CSTPP1: variants seen among roughly 807,000 people sequenced by gnomAD.
CSTPP1 encodes the protein centriolar satellite-associated tubulin polyglutamylase complex regulator 1, also known as UPF0705 protein C11orf49.
At chr11:47,083,606 A>G in the CSTPP1 span, among the ~76,000 whole-genome samples, 1 of 151,862 alleles carries the variant, frequency 6.6e-6, no homozygotes, top group African/African-American at 2.4e-5. Flanking sequence ...CCAGCATTTG[A>G]TGTTACGTGT....
chr11:46,950,565 T>C, the CSTPP1 span, among the ~76,000 whole-genome samples: 4 of 152,122 alleles, frequency 2.6e-5, no homozygotes, highest in Admixed American at 1.3e-4. Context: ...AACTTTTAAG[T>C]AGTACAGCTG....
chr11:47,035,184 T>C, the CSTPP1 span, among the ~76,000 whole-genome samples: 1 of 152,246 alleles, frequency 6.6e-6, no homozygotes, highest in Non-Finnish European at 1.5e-5. Context: ...TTACCTTAGA[T>C]TCATTTATCT....
At chr11:46,974,892 ACACACACACAC>A in the CSTPP1 span, among the ~76,000 whole-genome samples, 3 of 107,942 alleles carry the variant, frequency 2.8e-5, no homozygotes, top group African/African-American at 8.7e-5. Flanking sequence ...ACACACACAC[ACACACACACAC>A]AATACTCCAA....
At chr11:46,948,350 G>A in the CSTPP1 span, among the ~76,000 whole-genome samples, 1 of 152,220 alleles carries the variant, frequency 6.6e-6, no homozygotes, top group South Asian at 2.1e-4. Flanking sequence ...GGCAACATGA[G>A]GCTAGCACTC....
the CSTPP1 span, chr11:47,041,496 G>A: frequency 5.2e-5 from 18 of 349,080 alleles, 2 homozygotes; most frequent in African/African-American, 2.2e-4. Flanking sequence ...TTCTTGATCT[G>A]CTGAGTGTCA....
chr11:47,112,033 T>G, the CSTPP1 span, among the ~76,000 whole-genome samples: 1 of 152,156 alleles, frequency 6.6e-6, no homozygotes, highest in African/African-American at 2.4e-5. Context: ...ATGCTGTTCC[T>G]CTTACCCAAT....
chr11:47,083,683 C>T, the CSTPP1 span, among the ~76,000 whole-genome samples: 1 of 152,154 alleles, frequency 6.6e-6, no homozygotes, highest in Non-Finnish European at 1.5e-5. Context: ...TTGTATTTTC[C>T]TGATGACTAA....
the CSTPP1 span, chr11:47,164,045 C>T: frequency 1.2e-5 from 18 of 1,559,080 alleles, no homozygotes; most frequent in South Asian, 2.4e-5. Flanking sequence ...CCTCAGCCAG[C>T]GAGTTAAAGG....
chr11:47,140,145 A>G, the CSTPP1 span, among the ~76,000 whole-genome samples: 3 of 152,198 alleles, frequency 2.0e-5, no homozygotes, highest in African/African-American at 4.8e-5. Context: ...TAGTGATCAC[A>G]CATGCAAAAT....
At chr11:47,059,356 C>A in the CSTPP1 span, among the ~76,000 whole-genome samples, 1 of 152,054 alleles carries the variant, frequency 6.6e-6, no homozygotes, top group African/African-American at 2.4e-5. Flanking sequence ...CAACCCCACC[C>A]CCTCTCTGCC....
chr11:47,037,392 A>ATT, the CSTPP1 span, among the ~76,000 whole-genome samples: 2 of 116,694 alleles, frequency 1.7e-5, 1 homozygote, highest in Non-Finnish European at 4.1e-5. Flanking sequence ...TATTATTATT[A>ATT]TTTTTTTTTT....
the CSTPP1 span, among the ~76,000 whole-genome samples, chr11:47,120,073 G>T: frequency 6.6e-6 from 1 of 152,238 alleles, no homozygotes; most frequent in Admixed American, 6.5e-5. This position sits in a 1 kb window ranked among gnomAD's most constrained non-coding sequence, Gnocchi z 4.2. Flanking sequence ...ACAATCCTAA[G>T]AGTCACCTGA....
the CSTPP1 span, among the ~76,000 whole-genome samples, chr11:47,070,582 G>T: frequency 2.0e-5 from 3 of 152,184 alleles, no homozygotes; most frequent in Admixed American, 6.5e-5. Flanking sequence ...AACCCTGCTT[G>T]CATATTAGGA....
At chr11:47,120,050 T>A in the CSTPP1 span, among the ~76,000 whole-genome samples, 1 of 152,070 alleles carries the variant, frequency 6.6e-6, no homozygotes, top group African/African-American at 2.4e-5. This position sits in a 1 kb window ranked among gnomAD's most constrained non-coding sequence, Gnocchi z 4.2. Context: ...AAAATGTGCT[T>A]TCAACCATGA....
At chr11:47,120,535 C>T in the CSTPP1 span, among the ~76,000 whole-genome samples, 1 of 152,188 alleles carries the variant, frequency 6.6e-6, no homozygotes, top group African/African-American at 2.4e-5. The surrounding 1 kb of genome is among the most constrained non-coding windows in gnomAD (Gnocchi z 4.2). Context: ...GGTGGACTAA[C>T]TTCCAATGCT....
chr11:47,071,947 T>C, the CSTPP1 span, among the ~76,000 whole-genome samples: 12 of 152,214 alleles, frequency 7.9e-5, no homozygotes, highest in Admixed American at 5.9e-4. Flanking sequence ...GGAAGTTGCA[T>C]GTAGCAGCAG....
chr11:46,967,191 T>C, the CSTPP1 span, among the ~76,000 whole-genome samples: 1 of 152,344 alleles, frequency 6.6e-6, no homozygotes, highest in African/African-American at 2.4e-5. Flanking sequence ...TTTTAGCTCT[T>C]ACATTTAGGT....
the CSTPP1 span, chr11:47,157,012 C>T: frequency 1.3e-4 from 203 of 1,613,948 alleles, 1 homozygote; most frequent in Non-Finnish European, 1.6e-4. Flanking sequence ...CCCCCACCCC[C>T]ACGGTTCCAG....
chr11:47,036,834 C>T, the CSTPP1 span, among the ~76,000 whole-genome samples: 22 of 126,996 alleles, frequency 1.7e-4, 3 homozygotes, highest in African/African-American at 5.4e-4. Flanking sequence ...AGTGCCACCA[C>T]GCCCAGCTAA....
Sources: allele counts gnomAD v4.1 joint callset (sites outside exome capture counted in the v4.1 genomes callset), GRCh38; gene constraint gnomAD v4.1.1; non-coding constraint Gnocchi (gnomAD v3.1); transcripts MANE v1.5; gene names NCBI Gene and HGNC (gene_info 2026-07-23, HGNC 2026-07-21).